Variants in CBFA2T3 observed in about 807,000 individuals in gnomAD.
CBFA2T3 encodes CBFA2/RUNX1 partner transcriptional co-repressor 3, also known as transcriptional corepressor CBFA2T3.
In CBFA2T3, 31 loss-of-function variants were observed where a neutral mutation model predicts 58.6. That is an observed-to-expected ratio of 0.53 (90% CI 0.40 to 0.71). The LOEUF (loss-of-function observed/expected upper bound fraction) is 0.71. CBFA2T3 is among the 30% of genes least tolerant of loss of function. The pLI, the probability that CBFA2T3 is intolerant of heterozygous loss-of-function variation, is 0.00. For missense variants in CBFA2T3, 1,076 were observed against 963.1 expected (o/e 1.12, Z -1.55); for synonymous variants, 531 against 421.9 (o/e 1.26, Z -3.17).
chr16:88,885,119 G>C lies in CBFA2T3; in HGVS notation c.1044C>G (p.Ala348=), dbSNP rs751095715. The C allele has an allele frequency of 6.2e-7, 1 of 1,602,714 alleles. No homozygotes were observed. Among genetic ancestry groups the C allele is most frequent in the South Asian group, 1.1e-5 (1 of 90,690 alleles). ...AGGCATCTCGGAAGTGGTGGGCCAT[G>C]GCTATGTCCTCCAGGCGGTAGTGCG... ...PPPHYRLEDI[A]MAHHFRDAYR... is the part of the protein sequence containing the mutation. Residue 348 remains alanine, a synonymous_variant, in exon 7 of 12, where the codon GCC becomes GCG. Transcript: ENST00000268679. The surrounding 1 kb of genome is among the most constrained non-coding windows in gnomAD (Gnocchi z 5.3).
rs576174535 is a variant in CBFA2T3 at position 88,898,344 on chromosome 16, G to A, written c.305-192C>T. On this transcript the variant is annotated intron_variant, in intron 2 of 11. Transcript: ENST00000268679. ...CAGAGTGATTTTTGATTTTCGGAGG[G>A]GCCTGGGCAGGAGACTCTGCCCTCA... Among the ~76,000 whole-genome samples, 5 of 152,268 alleles carry A rather than the reference G, an allele frequency of 3.3e-5. No homozygotes were observed. The East Asian group carries it at 9.7e-4, about 29-fold the overall frequency.
chr16:88,966,772 C>G (rs538091758), intron 1 of CBFA2T3, among the ~76,000 whole-genome samples: 21 of 152,320 alleles, frequency 1.4e-4, no homozygotes, highest in Admixed American at 3.3e-4. Context: ...CAGTGACTCC[C>G]GTGCCCTGGC....
Position 88,931,636 on chromosome 16 carries a change from G to A in CBFA2T3, c.152-29980C>T, listed in dbSNP as rs3826081. Among the ~76,000 whole-genome samples, 505 of 150,422 alleles carry A rather than the reference G, an allele frequency of 3.4e-3. 3 individuals carry two copies. The highest frequency in any genetic ancestry group is 0.016 in the East Asian group (81 of 5,110). ...GGGCCGGCCCCGTGGACGAGCCAGAGGTGGAGAAGGGCCGTGGGCTGGCCC... is the reference window on the plus strand; with the variant it reads ...GGGCCGGCCCCGTGGACGAGCCAGAAGTGGAGAAGGGCCGTGGGCTGGCCC... On this transcript the variant is annotated intron_variant, in intron 1 of 11. Transcript: ENST00000268679.
Position 88,875,620 on chromosome 16 carries a change from G to C in CBFA2T3, c.*1356C>G, listed in dbSNP as rs551377458. ...ATGGGGCTGAGAGAGGTCGGAGCTG[G>C]GGTGAGGGGGCCGAGAGAGGTCGGA... On this transcript the variant is annotated 3_prime_UTR_variant, in exon 12 of 12. Coordinates refer to ENST00000268679, the MANE Select transcript of CBFA2T3 (RefSeq NM_005187.6). 4.3e-6 allele frequency: 1 copy of C among 233,672 alleles called. No homozygotes were observed. The highest frequency in any genetic ancestry group is 1.8e-4 in the South Asian group (1 of 5,592). 14.5% of individuals were successfully genotyped at this position (233,672 alleles called of 1,614,324 possible). A position where few individuals can be genotyped will look rare whatever the true frequency, so the allele number is the denominator to read the frequency against.
In CBFA2T3 at chr16:88,892,127, C is replaced by T. The variant is rs572049087; in HGVS notation, c.621+117G>A. ...GAGGGTGCAGGTGGCATCGTGGGAG[C>T]GGGTCCACGCCCGGTTGTCAGCGTG... On this transcript the variant is annotated intron_variant, in intron 4 of 11. Coordinates refer to ENST00000268679, the MANE Select transcript of CBFA2T3 (RefSeq NM_005187.6). The T allele has an allele frequency of 7.7e-5, 108 of 1,407,786 alleles. No individual in the cohort carries two copies. The African/African-American group carries it at 1.2e-3, about 15-fold the overall frequency. 87.2% of individuals were successfully genotyped at this position (1,407,786 alleles called of 1,614,324 possible).
At chr16:88,877,605 C>T (rs1156739373) in intron 11 of CBFA2T3, among the ~76,000 whole-genome samples, 1 of 152,198 alleles carries the variant, frequency 6.6e-6, no homozygotes, top group Non-Finnish European at 1.5e-5. Context: ...GTGGCCCCGG[C>T]AGGATTGAGG....
At chr16:88,965,390 C>T (rs1282436484) in intron 1 of CBFA2T3, among the ~76,000 whole-genome samples, 1 of 152,202 alleles carries the variant, frequency 6.6e-6, no homozygotes, top group Non-Finnish European at 1.5e-5. Flanking sequence ...GTTTTTGAGA[C>T]TGTTTAATCA....
intron 1 of CBFA2T3, among the ~76,000 whole-genome samples, chr16:88,944,381 T>C (rs1336731604): frequency 6.7e-6 from 1 of 148,318 alleles, no homozygotes; most frequent in African/African-American, 2.5e-5. Flanking sequence ...CCCCTCCTCA[T>C]GGCATGGCAG....
Position 88,885,335 on chromosome 16 carries a change from T to G in CBFA2T3, c.894-66A>C. On this transcript the variant is annotated intron_variant, in intron 6 of 11. Transcript: ENST00000268679. The surrounding 1 kb of genome is among the most constrained non-coding windows in gnomAD (Gnocchi z 5.3). ...GATGAACCGGGGACAGAGGTGCAGG[T>G]GGGGTGAGAGGCAGACAGGCAAGGG... The G allele has an allele frequency of 1.7e-6, 2 of 1,172,780 alleles. No individual in the cohort carries two copies. The highest frequency in any genetic ancestry group is 2.3e-6 in the Non-Finnish European group (2 of 858,618). 72.6% of individuals were successfully genotyped at this position (1,172,780 alleles called of 1,614,324 possible). A position where few individuals can be genotyped will look rare whatever the true frequency, so the allele number is the denominator to read the frequency against.
intron 1 of CBFA2T3, among the ~76,000 whole-genome samples, chr16:88,941,495 GA>G (rs1971730270): frequency 6.7e-6 from 1 of 148,338 alleles, no homozygotes; most frequent in Non-Finnish European, 1.5e-5. Context: ...CCCCGCCGCC[GA>G]GAGCCGCCCC....
rs185557485 is a variant in CBFA2T3, at chr16:88,928,151, C to A, written c.152-26495G>T. ...ACGGGGCTCTGTTCCGACTCCTTGG[C>A]CCGAGGGTCTCTGAGCACCACCAGG... On this transcript the variant is annotated intron_variant, in intron 1 of 11. Transcript: ENST00000268679. 5.2e-3 allele frequency among the ~76,000 whole-genome samples: 792 copies of A among 152,364 alleles called. 6 individuals are homozygous for A. Among genetic ancestry groups the A allele is most frequent in the African/African-American group, 0.018 (761 of 41,584 alleles).
chr16:88,974,898 T>A lies in CBFA2T3; in HGVS notation c.151+1759A>T, dbSNP rs1972759136. Among the ~76,000 whole-genome samples the A allele has an allele frequency of 3.3e-5, 5 of 152,188 alleles. No homozygotes were observed. The South Asian group carries it at 1.0e-3, about 32-fold the overall frequency. On this transcript the variant is annotated intron_variant, in intron 1 of 11. Coordinates refer to ENST00000268679, the MANE Select transcript of CBFA2T3 (RefSeq NM_005187.6). Reference sequence around the variant, plus strand: ...GGGGTACAGGATGAGAAGCCCCAAGTGCTGGTATTCACATGTAACTCTGCT... The same window carrying A: ...GGGGTACAGGATGAGAAGCCCCAAGAGCTGGTATTCACATGTAACTCTGCT...
At chr16:88,926,604 G>A (rs561504923) in intron 1 of CBFA2T3, among the ~76,000 whole-genome samples, 5 of 152,366 alleles carry the variant, frequency 3.3e-5, no homozygotes, top group Admixed American at 2.6e-4. Context: ...TCAGGACAGC[G>A]TGGGTGAGCG....
chr16:88,971,045 G>C (rs1012366235), intron 1 of CBFA2T3, among the ~76,000 whole-genome samples: 2 of 152,130 alleles, frequency 1.3e-5, no homozygotes, highest in African/African-American at 2.4e-5. Context: ...CGGTGGGGTC[G>C]GGCCGGGAGG....
chr16:88,966,736 G>C (rs757292071), intron 1 of CBFA2T3, among the ~76,000 whole-genome samples: 1 of 152,152 alleles, frequency 6.6e-6, no homozygotes, highest in Non-Finnish European at 1.5e-5. Flanking sequence ...AACACGAGCT[G>C]GGTGGGTTGG....
intron 11 of CBFA2T3, 141 bp from the exon 12 acceptor site, chr16:88,877,416 C>G: frequency 1.4e-6 from 1 of 692,594 alleles, no homozygotes; most frequent in Non-Finnish European, 2.4e-6. Flanking sequence ...AGCCCTCGGG[C>G]CATGCTCCAG....
At chr16:88,944,638 C>G (rs1971856711) in intron 1 of CBFA2T3, among the ~76,000 whole-genome samples, 1 of 152,232 alleles carries the variant, frequency 6.6e-6, no homozygotes, top group African/African-American at 2.4e-5. Flanking sequence ...GGGCAGCACC[C>G]ACATCTGATT....
rs772875272 is a variant in CBFA2T3 at position 88,881,472 on chromosome 16, C to T, written c.1221G>A (p.Met407Ile). The T allele has an allele frequency of 3.1e-6, 5 of 1,607,958 alleles. No homozygotes were observed. The African/African-American group carries it at 5.3e-5, about 17-fold the overall frequency. ...KHLNNLLNCI[M>I]DMVEKTRRSL... Reference sequence around the variant, plus strand: ...AGCGCCGCGTCTTCTCCACCATGTCCATGATGCAGTTCAGGAGCTGGGGGC... The same window carrying T: ...AGCGCCGCGTCTTCTCCACCATGTCTATGATGCAGTTCAGGAGCTGGGGGC... The change falls in exon 9 of 12, where the codon ATG (methionine) becomes ATA (isoleucine). Residue 407 changes from methionine to isoleucine, a missense_variant. Transcript: ENST00000268679.
intron 1 of CBFA2T3, among the ~76,000 whole-genome samples, chr16:88,947,873 T>G (rs1349838102): frequency 2.0e-5 from 3 of 152,184 alleles, no homozygotes; most frequent in African/African-American, 7.2e-5. Flanking sequence ...ATGATCACGC[T>G]ACTGCACTCT....
Sources: gnomAD v4.1 joint callset for allele counts (sites outside exome capture counted in the v4.1 genomes callset) on GRCh38, gnomAD v4.1.1 for gene constraint, Gnocchi (gnomAD v3.1) non-coding constraint, MANE v1.5 for transcripts, NCBI Gene and HGNC (gene_info 2026-07-23, HGNC 2026-07-21) for gene names.